Variants in AFG2A observed in about 807,000 individuals in gnomAD.
The protein encoded by AFG2A is AAA ATPase AFG2A.
the AFG2A span, among the ~76,000 whole-genome samples, chr4:123,211,404 T>C: frequency 6.6e-5 from 10 of 152,106 alleles, no homozygotes; most frequent in Non-Finnish European, 1.2e-4. Context: ...TAGAAGGTGC[T>C]AGTAAGACAG....
the AFG2A span, among the ~76,000 whole-genome samples, chr4:122,994,861 C>A: frequency 6.6e-6 from 1 of 152,116 alleles, no homozygotes; most frequent in Non-Finnish European, 1.5e-5. Context: ...TTATTTACTC[C>A]CATTTTAAAA....
At chr4:123,079,405 A>G in the AFG2A span, among the ~76,000 whole-genome samples, 1 of 152,186 alleles carries the variant, frequency 6.6e-6, no homozygotes, top group South Asian at 2.1e-4. Context: ...AGGATCTGAC[A>G]TTATTTGGAT....
chr4:123,255,468 C>T, the AFG2A span, among the ~76,000 whole-genome samples: 1 of 148,898 alleles, frequency 6.7e-6, no homozygotes, highest in Non-Finnish European at 1.5e-5. Flanking sequence ...GCACTCCAGC[C>T]TGGGTGGCAG....
At chr4:123,245,033 ATAAC>A in the AFG2A span, among the ~76,000 whole-genome samples, 1 of 152,236 alleles carries the variant, frequency 6.6e-6, no homozygotes, top group Non-Finnish European at 1.5e-5. Context: ...ATTTGAAAGA[ATAAC>A]TAGGATTTTC....
chr4:123,283,834 A>G, the AFG2A span, among the ~76,000 whole-genome samples: 161 of 152,216 alleles, frequency 1.1e-3, 1 homozygote, highest in South Asian at 7.5e-3. Flanking sequence ...TTCCAGGAGG[A>G]ACTGTGTTCT....
chr4:123,088,382 G>A, the AFG2A span, among the ~76,000 whole-genome samples: 1 of 152,132 alleles, frequency 6.6e-6, no homozygotes, highest in African/African-American at 2.4e-5. Context: ...AAAGGCCTCC[G>A]ATGTAATTTA....
At chr4:123,036,172 G>T in the AFG2A span, among the ~76,000 whole-genome samples, 2 of 152,128 alleles carry the variant, frequency 1.3e-5, no homozygotes, top group Admixed American at 1.3e-4. Flanking sequence ...TGGGCTCCTC[G>T]TTATGTATCA....
chr4:123,224,049 A>G, the AFG2A span, among the ~76,000 whole-genome samples: 1 of 152,112 alleles, frequency 6.6e-6, no homozygotes, highest in African/African-American at 2.4e-5. Flanking sequence ...TTACAGCTTT[A>G]AGTCATATGT....
At chr4:123,291,966 T>C in the AFG2A span, among the ~76,000 whole-genome samples, 1 of 152,240 alleles carries the variant, frequency 6.6e-6, no homozygotes, top group African/African-American at 2.4e-5. Context: ...ATAGGTTTTC[T>C]GAATGATTTG....
At chr4:123,045,774 TG>T in the AFG2A span, among the ~76,000 whole-genome samples, 1 of 152,112 alleles carries the variant, frequency 6.6e-6, no homozygotes, top group Non-Finnish European at 1.5e-5. Context: ...GTTAATATTT[TG>T]TGGGAAGTTA....
At chr4:123,144,294 T>C in the AFG2A span, among the ~76,000 whole-genome samples, 6 of 152,248 alleles carry the variant, frequency 3.9e-5, no homozygotes, top group African/African-American at 1.4e-4. Flanking sequence ...TAATATTTTT[T>C]TCTAATAGAT....
At chr4:123,227,705 G>C in the AFG2A span, among the ~76,000 whole-genome samples, 2 of 152,152 alleles carry the variant, frequency 1.3e-5, no homozygotes, top group African/African-American at 2.4e-5. Context: ...GAGGTGGAGA[G>C]TTCTGTAGTT....
chr4:123,228,038 G>A, the AFG2A span, among the ~76,000 whole-genome samples: 1 of 152,034 alleles, frequency 6.6e-6, no homozygotes, highest in Non-Finnish European at 1.5e-5. Flanking sequence ...TGCAACCCCT[G>A]CCTTTTTTTG....
chr4:123,151,157 C>T, the AFG2A span, among the ~76,000 whole-genome samples: 1 of 152,058 alleles, frequency 6.6e-6, no homozygotes, highest in Admixed American at 6.6e-5. Flanking sequence ...GACCTAAAAC[C>T]ATAAAGACCC....
chr4:123,295,405 C>T, the AFG2A span, among the ~76,000 whole-genome samples: 23 of 152,282 alleles, frequency 1.5e-4, no homozygotes, highest in Middle Eastern at 6.8e-3. Flanking sequence ...CTTTGACTGA[C>T]ATAAATAAAT....
At chr4:123,025,460 G>A in the AFG2A span, among the ~76,000 whole-genome samples, 2 of 152,114 alleles carry the variant, frequency 1.3e-5, no homozygotes, top group African/African-American at 4.8e-5. Flanking sequence ...TTGAATCTCC[G>A]ATTAACACAT....
the AFG2A span, among the ~76,000 whole-genome samples, chr4:123,020,883 A>G: frequency 6.6e-6 from 1 of 152,218 alleles, no homozygotes; most frequent in African/African-American, 2.4e-5. Flanking sequence ...TAGTCTAGGA[A>G]GTAATATTAC....
chr4:123,040,593 G>T, the AFG2A span, among the ~76,000 whole-genome samples: 1,526 of 152,206 alleles, frequency 0.01, 36 homozygotes, highest in African/African-American at 0.035. Context: ...GACGGCTGTG[G>T]GTGTAAACAT....
chr4:122,981,569 G>A, the AFG2A span, among the ~76,000 whole-genome samples: 2 of 151,360 alleles, frequency 1.3e-5, no homozygotes, highest in Non-Finnish European at 2.9e-5. Flanking sequence ...AATGCCATTG[G>A]AATTTTGGTA....
Sources: gnomAD v4.1 joint callset for allele counts (sites outside exome capture counted in the v4.1 genomes callset) on GRCh38, gnomAD v4.1.1 for gene constraint, MANE v1.5 for transcripts, NCBI Gene and HGNC (gene_info 2026-07-23, HGNC 2026-07-21) for gene names.